TTLL11: variants seen among roughly 807,000 people sequenced by gnomAD.
TTLL11 encodes tubulin polyglutamylase TTLL11.
In TTLL11, 42 loss-of-function variants were observed where a neutral mutation model predicts 51.7. That is an observed-to-expected ratio of 0.81 (90% CI 0.64 to 1.05). The LOEUF (loss-of-function observed/expected upper bound fraction) is 1.05. Among genes scored for constraint, TTLL11 ranks in the 50% least tolerant of loss-of-function variants. The pLI is 0.00. For missense variants in TTLL11, 799 were observed against 940.4 expected (o/e 0.85, Z 1.97); for synonymous variants, 381 against 383.5 (o/e 0.99, Z 0.08).
At chr9:121,886,744 T>C (rs763248847) in intron 6 of TTLL11, among the ~76,000 whole-genome samples, 2 of 152,242 alleles carry the variant, frequency 1.3e-5, no homozygotes, top group Non-Finnish European at 2.9e-5. Context: ...ATCATGTAAC[T>C]GGAAGCAACT....
chr9:121,853,450 G>A lies in TTLL11; in HGVS notation c.1840+6887C>T, dbSNP rs1384487262. ...CCTGGGGGGTGGTGGTGAGCAAGGA[G>A]AGGGGGTTCCTGCAGAGGTGGGGGC... On this transcript the variant is annotated intron_variant, in intron 8 of 8. Coordinates refer to ENST00000321582, the MANE Select transcript of TTLL11 (RefSeq NM_001139442.2). The surrounding 1 kb of genome is among the most constrained non-coding windows in gnomAD (Gnocchi z 5.6). Among the ~76,000 whole-genome samples, 1 of 150,042 alleles carries A rather than the reference G, an allele frequency of 6.7e-6. No individual in the cohort carries two copies. The highest frequency in any genetic ancestry group is 1.5e-5 in the Non-Finnish European group (1 of 67,468).
chr9:122,070,556 C>T (rs1845701037), intron 1 of TTLL11, among the ~76,000 whole-genome samples: 1 of 152,198 alleles, frequency 6.6e-6, no homozygotes, highest in Non-Finnish European at 1.5e-5. Context: ...GGAAGAATCA[C>T]AACCTGATTC....
At chr9:121,980,210 A>G (rs1396397395) in intron 4 of TTLL11, among the ~76,000 whole-genome samples, 3 of 152,052 alleles carry the variant, frequency 2.0e-5, no homozygotes, top group Non-Finnish European at 4.4e-5. Context: ...TTTCACAGCA[A>G]AATAAGTTTT....
At chr9:122,021,787 C>G (rs60087008) in intron 3 of TTLL11, among the ~76,000 whole-genome samples, 5 of 151,882 alleles carry the variant, frequency 3.3e-5, no homozygotes, top group Non-Finnish European at 7.4e-5. Context: ...TATCTGTCAC[C>G]CAGCTAGAAA....
chr9:122,005,428 G>T (rs1308133107), intron 3 of TTLL11, among the ~76,000 whole-genome samples: 1 of 152,058 alleles, frequency 6.6e-6, no homozygotes, highest in Admixed American at 6.5e-5. Flanking sequence ...TGATAATTCT[G>T]CTCAGGGCTT....
chr9:121,843,986 T>C (rs1257603733), intron 8 of TTLL11, among the ~76,000 whole-genome samples: 1 of 152,158 alleles, frequency 6.6e-6, no homozygotes, highest in Non-Finnish European at 1.5e-5. Flanking sequence ...GAAACTACTT[T>C]AGTAGAGGCT....
At chr9:121,973,377 C>T (rs151248230) in intron 6 of TTLL11, among the ~76,000 whole-genome samples, 17 of 152,306 alleles carry the variant, frequency 1.1e-4, no homozygotes, top group Middle Eastern at 3.4e-3. Flanking sequence ...TTACCTATGG[C>T]CCTCTTCTCC....
chr9:121,989,231 G>A lies in TTLL11; in HGVS notation c.1233C>T (p.Asp411=), dbSNP rs948336109. 6 of 1,614,038 alleles carry A rather than the reference G, an allele frequency of 3.7e-6. No individual in the cohort carries two copies. In the African/African-American group the frequency reaches 5.3e-5, roughly 14 times the overall value. The change falls in exon 4 of 9, where the codon GAC becomes GAT. Residue 411 remains aspartate (D), a synonymous_variant. Coordinates refer to ENST00000321582, the MANE Select transcript of TTLL11 (RefSeq NM_001139442.2). This position sits in a 1 kb window ranked among gnomAD's most constrained non-coding sequence, Gnocchi z 4.2. ...TGGGGCCCGGCCTCCCCGTGGGGAT[G>A]TCTGACTGGTAGAAGACTTTGAGCT... is the stretch of plus-strand genomic sequence containing the variant. The part of the protein sequence containing the change: ...TPELKVFYQS[D]IPTGRPGPTC...
chr9:121,977,635 A>G, intron 4 of TTLL11, among the ~76,000 whole-genome samples: 1 of 151,948 alleles, frequency 6.6e-6, no homozygotes. Flanking sequence ...TACTTACCTT[A>G]GTTCATCCAT....
In TTLL11 at chr9:122,031,871, C is replaced by T. The variant is rs73662572; in HGVS notation, c.560-15G>A. The stretch of plus-strand genomic sequence containing the variant: ...CTCCGTCATGCCTGGGGAGAAGAGA[C>T]GCTGTGAGGTTTTAACAACAGTGGG... On this transcript the variant is annotated splice_polypyrimidine_tract_variant and intron_variant, in intron 2 of 8. Transcript: ENST00000321582. The T allele has an allele frequency of 5.1e-3, 8,165 of 1,608,868 alleles. 318 individuals carry two copies. The African/African-American group carries it at 0.092, about 18-fold the overall frequency.
chr9:122,062,806 G>C (rs959195512), intron 1 of TTLL11, among the ~76,000 whole-genome samples: 1 of 151,984 alleles, frequency 6.6e-6, no homozygotes, highest in Non-Finnish European at 1.5e-5. Flanking sequence ...AAGAGATGGA[G>C]TCTCACTCTA....
chr9:121,899,365 G>GTATATATATACATATATATA (rs1554766916), intron 6 of TTLL11, among the ~76,000 whole-genome samples: 2 of 113,238 alleles, frequency 1.8e-5, no homozygotes, highest in African/African-American at 3.3e-5. Context: ...ATGTGTGTGT[G>GTATATATATACATATATATA]TATATATATA....
chr9:121,921,562 A>AT (rs1191020689), intron 6 of TTLL11, among the ~76,000 whole-genome samples: 1 of 152,204 alleles, frequency 6.6e-6, no homozygotes, highest in African/African-American at 2.4e-5. Context: ...TGTTGTGTAA[A>AT]TTAAACCTCA....
intron 8 of TTLL11, among the ~76,000 whole-genome samples, chr9:121,825,414 C>T (rs576571375): frequency 1.3e-5 from 2 of 152,318 alleles, no homozygotes; most frequent in East Asian, 1.9e-4. Flanking sequence ...CAAGATAAGG[C>T]GCTTGGGCCA....
rs35010525 is a variant in TTLL11, at chr9:121,853,203, T to C, written c.1840+7134A>G. On this transcript the variant is annotated intron_variant, in intron 8 of 8. Coordinates refer to ENST00000321582, the MANE Select transcript of TTLL11 (RefSeq NM_001139442.2). This position sits in a 1 kb window ranked among gnomAD's most constrained non-coding sequence, Gnocchi z 5.6. ...GCTGAGCCCTGGTCCATGGGACATG[T>C]GTAGCAGGGCACCTGCTAGATGCCA... 0.061 allele frequency among the ~76,000 whole-genome samples: 9,254 copies of C among 152,236 alleles called. 305 individuals are homozygous for C. Among genetic ancestry groups the C allele is most frequent in the Middle Eastern group, 0.085 (25 of 294 alleles).
chr9:122,062,077 C>A (rs1845450759), intron 1 of TTLL11, among the ~76,000 whole-genome samples: 1 of 152,190 alleles, frequency 6.6e-6, no homozygotes, highest in Non-Finnish European at 1.5e-5. Context: ...CCAGGGGAGC[C>A]TGAGGCACAG....
At chr9:121,971,036 G>A (rs1179772740) in intron 6 of TTLL11, among the ~76,000 whole-genome samples, 7 of 143,424 alleles carry the variant, frequency 4.9e-5, no homozygotes, top group Non-Finnish European at 7.8e-5. Context: ...TCAGCCCCCC[G>A]CCCGGTCAGC....
intron 6 of TTLL11, among the ~76,000 whole-genome samples, chr9:121,909,572 G>A (rs1242675714): frequency 6.6e-5 from 10 of 152,004 alleles, no homozygotes; most frequent in East Asian, 3.9e-4. Flanking sequence ...TCCTACATTC[G>A]TCCTCCTTTG....
chr9:122,018,656 T>A (rs1173803311), intron 3 of TTLL11, among the ~76,000 whole-genome samples: 1 of 152,222 alleles, frequency 6.6e-6, no homozygotes, highest in Non-Finnish European at 1.5e-5. Context: ...GAGATGATGG[T>A]GCCAGGGCGC....
Sources: allele counts gnomAD v4.1 joint callset (sites outside exome capture counted in the v4.1 genomes callset), GRCh38; gene constraint gnomAD v4.1.1; non-coding constraint Gnocchi (gnomAD v3.1); transcripts MANE v1.5; gene names NCBI Gene and HGNC (gene_info 2026-07-23, HGNC 2026-07-21).